The following ROBO1 variants were observed in gnomAD, a reference collection of about 807,000 sequenced individuals.
ROBO1 encodes the protein roundabout homolog 1.
In ROBO1, 149 loss-of-function variants were observed where a neutral mutation model predicts 195.9. That is an observed-to-expected ratio of 0.76 (90% confidence interval 0.67 to 0.87). ROBO1 has a LOEUF of 0.87. Ranked by LOEUF, ROBO1 falls within the 40% of genes least tolerant of loss-of-function variation. The pLI is 0.00. For missense variants in ROBO1, 1,933 were observed against 2,068.3 expected (o/e 0.93, Z 1.27); for synonymous variants, 816 against 733.2 (o/e 1.11, Z -1.82).
intron 1 of ROBO1, among the ~76,000 whole-genome samples, chr3:79,648,974 T>C (rs982023548): frequency 1.3e-5 from 2 of 152,072 alleles, no homozygotes; most frequent in Non-Finnish European, 2.9e-5. Context: ...TCTGAACACA[T>C]GAAGATATTT....
At chr3:79,625,423 G>GAAAAAAAAAAAAAAGAAAA (rs1945137909) in intron 1 of ROBO1, among the ~76,000 whole-genome samples, 1 of 13,876 alleles carries the variant, frequency 7.2e-5, no homozygotes. Context: ...TGTTTTTTTT[G>GAAAAAAAAAAAAAAGAAAA]AAAAAAAAAA....
intron 2 of ROBO1, among the ~76,000 whole-genome samples, chr3:79,334,112 C>G (rs1375057605): frequency 1.3e-5 from 2 of 151,662 alleles, no homozygotes; most frequent in Non-Finnish European, 2.9e-5. Context: ...TGGAGACCAG[C>G]CTGGCTAACA....
chr3:79,308,264 CA>C (rs1352852490), intron 2 of ROBO1, among the ~76,000 whole-genome samples: 1 of 152,030 alleles, frequency 6.6e-6, no homozygotes, highest in East Asian at 1.9e-4. Flanking sequence ...ATAACAATTC[CA>C]AGCATAAATA....
At chr3:79,049,249 A>C (rs2078651754) in intron 3 of ROBO1, among the ~76,000 whole-genome samples, 1 of 152,210 alleles carries the variant, frequency 6.6e-6, no homozygotes, top group South Asian at 2.1e-4. Flanking sequence ...TTCATGATGC[A>C]TTCACAAGCT....
At chr3:79,238,679 G>A (rs955614710) in intron 2 of ROBO1, among the ~76,000 whole-genome samples, 3 of 152,178 alleles carry the variant, frequency 2.0e-5, no homozygotes, top group African/African-American at 7.2e-5. Context: ...GAGTTATGAT[G>A]ATGCTATAGT....
At chr3:79,760,263 A>AAAAAAAAAAAAAAAAC in intron 1 of ROBO1, among the ~76,000 whole-genome samples, 1 of 146,798 alleles carries the variant, frequency 6.8e-6, no homozygotes. Context: ...AAAAAAAAAA[A>AAAAAAAAAAAAAAAAC]AAAAAAAAGC....
intron 3 of ROBO1, among the ~76,000 whole-genome samples, chr3:79,121,686 C>T (rs1345536082): frequency 6.6e-6 from 1 of 151,872 alleles, no homozygotes; most frequent in East Asian, 1.9e-4. Flanking sequence ...AATATAGGCA[C>T]CTATTCCTTA....
intron 3 of ROBO1, among the ~76,000 whole-genome samples, chr3:78,947,381 G>T (rs188099603): frequency 6.6e-6 from 1 of 152,068 alleles, no homozygotes; most frequent in Non-Finnish European, 1.5e-5. Context: ...ACTCAAAACC[G>T]CTCAACTACA....
intron 2 of ROBO1, among the ~76,000 whole-genome samples, chr3:79,483,779 A>G (rs1161112793): frequency 6.6e-6 from 1 of 152,112 alleles, no homozygotes; most frequent in Admixed American, 6.5e-5. Flanking sequence ...TAAGATGAGC[A>G]TGACTGTGTC....
intron 3 of ROBO1, among the ~76,000 whole-genome samples, chr3:79,050,465 C>T (rs573857575): frequency 9.2e-5 from 14 of 152,186 alleles, no homozygotes; most frequent in African/African-American, 2.9e-4. Context: ...TTTAACACCC[C>T]ACTACCAATA....
At chr3:79,380,451 T>A (rs1316620137) in intron 2 of ROBO1, among the ~76,000 whole-genome samples, 4 of 152,180 alleles carry the variant, frequency 2.6e-5, no homozygotes, top group African/African-American at 7.2e-5. Flanking sequence ...CACCATTGAC[T>A]CAAAATTCTT....
intron 2 of ROBO1, among the ~76,000 whole-genome samples, chr3:79,215,918 A>C (rs923967188): frequency 5.9e-5 from 9 of 152,172 alleles, no homozygotes; most frequent in African/African-American, 2.2e-4. Context: ...CATCCTTGTT[A>C]GGGAGAAAGT....
chr3:79,534,627 C>T (rs1941786041), intron 2 of ROBO1, among the ~76,000 whole-genome samples: 1 of 151,996 alleles, frequency 6.6e-6, no homozygotes, highest in Non-Finnish European at 1.5e-5. Context: ...TCTTTTATAC[C>T]AATGCTTTCC....
intron 5 of ROBO1, among the ~76,000 whole-genome samples, chr3:78,739,226 T>C (rs2108239729): frequency 6.6e-6 from 1 of 152,318 alleles, no homozygotes; most frequent in Admixed American, 6.5e-5. Context: ...AATTTCAGAA[T>C]TGAGTCTAGG....
At chr3:79,629,891 C>A (rs1463523822) in intron 1 of ROBO1, among the ~76,000 whole-genome samples, 1 of 151,848 alleles carries the variant, frequency 6.6e-6, no homozygotes, top group Non-Finnish European at 1.5e-5. Context: ...AGAAAATCTA[C>A]TAGAAATAAA....
intron 2 of ROBO1, among the ~76,000 whole-genome samples, chr3:79,302,115 C>A (rs1441326056): frequency 1.3e-5 from 2 of 152,142 alleles, no homozygotes; most frequent in Admixed American, 6.5e-5. Flanking sequence ...AGACGAAATT[C>A]CAGGAACTGA....
chr3:79,334,415 CTTG>C (rs978193863), intron 2 of ROBO1, among the ~76,000 whole-genome samples: 4 of 146,304 alleles, frequency 2.7e-5, no homozygotes, highest in African/African-American at 1.0e-4. Context: ...TTATCTGCTT[CTTG>C]TTATTTACTT....
intron 1 of ROBO1, among the ~76,000 whole-genome samples, chr3:79,676,009 C>T (rs956499691): frequency 3.3e-5 from 5 of 152,032 alleles, no homozygotes; most frequent in Non-Finnish European, 5.9e-5. Context: ...TCATATAAAA[C>T]GTAGTAACTT....
intron 2 of ROBO1, among the ~76,000 whole-genome samples, chr3:79,554,071 C>T (rs1942615891): frequency 6.6e-6 from 1 of 151,846 alleles, no homozygotes; most frequent in African/African-American, 2.4e-5. Flanking sequence ...TCATTTCATA[C>T]CAACATAATT....
Sources: gnomAD v4.1 joint callset for allele counts (sites outside exome capture counted in the v4.1 genomes callset) on GRCh38, gnomAD v4.1.1 for gene constraint, MANE v1.5 for transcripts, NCBI Gene and HGNC (gene_info 2026-07-23, HGNC 2026-07-21) for gene names.